Variants in BRINP2 observed in about 807,000 individuals in gnomAD.
BRINP2 encodes the protein BMP/retinoic acid inducible neural specific 2, also known as BMP/retinoic acid-inducible neural-specific protein 2.
A neutral mutation model predicts 69.2 loss-of-function variants in BRINP2; 21 were observed. The ratio of observed to expected loss-of-function variants is 0.30; its 90% confidence interval spans 0.22 to 0.44. The LOEUF is 0.44. BRINP2 is among the 20% of genes least tolerant of loss of function. The pLI is 1.00. For synonymous variants in BRINP2, 380 were observed against 394.1 expected, an observed-to-expected ratio of 0.96 and a Z score of 0.42; for missense variants, 877 against 986.0, an observed-to-expected ratio of 0.89 and a Z score of 1.48.
chr1:177,182,427 G>A (rs141762210), intron 1 of BRINP2, among the ~76,000 whole-genome samples: 2 of 152,180 alleles, frequency 1.3e-5, no homozygotes, highest in East Asian at 3.9e-4. Flanking sequence ...TCCTTGTTGA[G>A]AGGAATTGTA....
At chr1:177,237,689 G>A (rs372263239) in intron 2 of BRINP2, among the ~76,000 whole-genome samples, 2 of 152,226 alleles carry the variant, frequency 1.3e-5, no homozygotes, top group East Asian at 3.8e-4. Context: ...TTTGGTAAGA[G>A]ATCTTGAGTC....
In BRINP2 at chr1:177,229,808, C is replaced by T; in HGVS notation, c.-69C>T. 1 of 1,505,742 alleles carries T rather than the reference C, an allele frequency of 6.6e-7. No homozygotes were observed. The allele number at this position is 1,505,742 out of a possible 1,614,324, so 93.3% of individuals were successfully genotyped here. ...CCTTTTGTACTTTTCCAGCTCCGAG[C>T]CCTGGAGGAGCAGCACGGAGCGGGA... On this transcript the variant is annotated 5_prime_UTR_variant, in exon 2 of 8. Coordinates refer to ENST00000361539, the MANE Select transcript of BRINP2 (RefSeq NM_021165.4).
intron 2 of BRINP2, among the ~76,000 whole-genome samples, chr1:177,250,700 A>T (rs1024664587): frequency 6.6e-6 from 1 of 152,100 alleles, no homozygotes; most frequent in African/African-American, 2.4e-5. Context: ...TATAATCCCT[A>T]TATGGCACTA....
chr1:177,251,153 A>G (rs957655378), intron 2 of BRINP2, among the ~76,000 whole-genome samples: 15 of 152,086 alleles, frequency 9.9e-5, no homozygotes, highest in African/African-American at 3.6e-4. Context: ...TTAGGCCTTT[A>G]TCTGTGATTC....
intron 1 of BRINP2, among the ~76,000 whole-genome samples, chr1:177,194,769 G>T (rs1648692357): frequency 6.6e-6 from 1 of 151,774 alleles, no homozygotes; most frequent in Admixed American, 6.6e-5. Context: ...GAGGCTGTGT[G>T]TGTGTATGTG....
chr1:177,195,439 C>T (rs889680755), intron 1 of BRINP2, among the ~76,000 whole-genome samples: 7 of 151,154 alleles, frequency 4.6e-5, no homozygotes, highest in African/African-American at 1.7e-4. Flanking sequence ...GGCAGACACG[C>T]TAAGGACAAA....
chr1:177,185,382 T>C (rs1648397092), intron 1 of BRINP2, among the ~76,000 whole-genome samples: 1 of 152,222 alleles, frequency 6.6e-6, no homozygotes, highest in Non-Finnish European at 1.5e-5. Context: ...AAATAAATTT[T>C]CTATGGAAAG....
chr1:177,244,394 T>C (rs1043197669), intron 2 of BRINP2, among the ~76,000 whole-genome samples: 1 of 152,240 alleles, frequency 6.6e-6, no homozygotes, highest in African/African-American at 2.4e-5. Context: ...AAAATAGGAC[T>C]AAAGCTTGTG....
At chr1:177,224,076 C>G (rs1488469592) in intron 1 of BRINP2, among the ~76,000 whole-genome samples, 1 of 152,220 alleles carries the variant, frequency 6.6e-6, no homozygotes, top group South Asian at 2.1e-4. Flanking sequence ...CACATCCACC[C>G]TTGCTCTTAA....
At chr1:177,256,336 G>A (rs1650756952) in intron 3 of BRINP2, 1 of 985,406 alleles carries the variant, frequency 1.0e-6, no homozygotes, top group Non-Finnish European at 1.2e-6. Flanking sequence ...ATGGCGGTTG[G>A]AGGTGGACAG....
intron 1 of BRINP2, among the ~76,000 whole-genome samples, chr1:177,206,020 C>T (rs1291784193): frequency 6.6e-6 from 1 of 152,180 alleles, no homozygotes; most frequent in African/African-American, 2.4e-5. Context: ...TATCTCTTGG[C>T]TCACTCTCTC....
At chr1:177,256,332 G>T (rs1650756354) in intron 3 of BRINP2, 3 of 985,320 alleles carry the variant, frequency 3.0e-6, no homozygotes, top group Non-Finnish European at 3.6e-6. Flanking sequence ...GGGTATGGCG[G>T]TTGGAGGTGG....
intron 1 of BRINP2, among the ~76,000 whole-genome samples, chr1:177,218,666 C>G (rs190269995): frequency 3.3e-5 from 5 of 152,086 alleles, no homozygotes; most frequent in African/African-American, 1.2e-4. Context: ...TTTGCTTTCC[C>G]GCTGTAGAAA....
intron 5 of BRINP2, among the ~76,000 whole-genome samples, chr1:177,275,953 G>A (rs1167304442): frequency 6.6e-6 from 1 of 152,196 alleles, no homozygotes; most frequent in Non-Finnish European, 1.5e-5. Flanking sequence ...GATCTGAGGG[G>A]TTTAGCTAAG....
intron 2 of BRINP2, among the ~76,000 whole-genome samples, chr1:177,234,090 A>G (rs1265134089): frequency 6.6e-6 from 1 of 152,204 alleles, no homozygotes; most frequent in African/African-American, 2.4e-5. Context: ...GCTCATGGTA[A>G]GAGCTAGAAG....
chr1:177,234,803 A>G (rs936316311), intron 2 of BRINP2, among the ~76,000 whole-genome samples: 1 of 152,218 alleles, frequency 6.6e-6, no homozygotes, highest in African/African-American at 2.4e-5. Flanking sequence ...AGAATTAAAT[A>G]CATATCTTTA....
chr1:177,201,647 G>A (rs369363389), intron 1 of BRINP2, among the ~76,000 whole-genome samples: 13 of 152,328 alleles, frequency 8.5e-5, no homozygotes, highest in African/African-American at 3.1e-4. Flanking sequence ...AATCTGGACT[G>A]AGGATCTGGA....
At chr1:177,208,270 G>A (rs181113816) in intron 1 of BRINP2, among the ~76,000 whole-genome samples, 9 of 152,174 alleles carry the variant, frequency 5.9e-5, no homozygotes, top group East Asian at 1.9e-4. Context: ...GAAAGTTGCC[G>A]CAGGTTTTGC....
intron 6 of BRINP2, among the ~76,000 whole-genome samples, chr1:177,277,661 G>A (rs887045108): frequency 2.0e-5 from 3 of 151,980 alleles, no homozygotes; most frequent in Middle Eastern, 3.2e-3. Flanking sequence ...CAAGGCATTC[G>A]GTAGCGAAGG....
Sources: allele counts gnomAD v4.1 joint callset (sites outside exome capture counted in the v4.1 genomes callset), GRCh38; gene constraint gnomAD v4.1.1; transcripts MANE v1.5; gene names NCBI Gene and HGNC (gene_info 2026-07-23, HGNC 2026-07-21).